Variants in EXOC6B observed in about 807,000 individuals in gnomAD.
EXOC6B encodes the protein exocyst complex component 6B, also known as SEC15 homolog B.
A neutral mutation model predicts 113.5 loss-of-function variants in EXOC6B; 54 were observed. The ratio of observed to expected loss-of-function variants is 0.48; its 90% CI spans 0.38 to 0.60. The LOEUF is 0.60. EXOC6B is among the 20% of genes least tolerant of loss of function. The pLI is 0.00. For synonymous variants in EXOC6B, 357 were observed against 339.0 expected (o/e 1.05, Z -0.58); for missense variants, 797 against 977.5 (o/e 0.82, Z 2.46).
chr2:72,782,959 T>C (rs894792931), intron 1 of EXOC6B, among the ~76,000 whole-genome samples: 1 of 152,234 alleles, frequency 6.6e-6, no homozygotes, highest in Admixed American at 6.5e-5. Context: ...AGCTTTGCTA[T>C]GTTTTTTGCC....
chr2:72,397,776 T>A (rs557149841), intron 18 of EXOC6B, among the ~76,000 whole-genome samples: 5 of 152,088 alleles, frequency 3.3e-5, no homozygotes, highest in Admixed American at 1.3e-4. Flanking sequence ...GATGTGCACA[T>A]CATTAGCATA....
chr2:72,194,630 A>C (rs921905549), intron 20 of EXOC6B, among the ~76,000 whole-genome samples: 1 of 149,492 alleles, frequency 6.7e-6, no homozygotes, highest in Admixed American at 6.6e-5. Flanking sequence ...TGTGTGCACA[A>C]CTCAGAGCAG....
chr2:72,504,861 C>A (rs1386288777), intron 11 of EXOC6B, among the ~76,000 whole-genome samples: 3 of 152,150 alleles, frequency 2.0e-5, no homozygotes, highest in Non-Finnish European at 2.9e-5. Flanking sequence ...ACTAAGAAGA[C>A]TGAACACCTT....
intron 19 of EXOC6B, among the ~76,000 whole-genome samples, chr2:72,347,884 G>C (rs1689425874): frequency 6.6e-6 from 1 of 152,060 alleles, no homozygotes; most frequent in Non-Finnish European, 1.5e-5. Flanking sequence ...GAATGACAAG[G>C]AAAGGGCACT....
chr2:72,480,126 C>T (rs1199332600), intron 17 of EXOC6B, among the ~76,000 whole-genome samples: 2 of 151,796 alleles, frequency 1.3e-5, no homozygotes, highest in Non-Finnish European at 2.9e-5. Context: ...ACTACTTGAA[C>T]CCAGGAGACA....
intron 6 of EXOC6B, among the ~76,000 whole-genome samples, chr2:72,715,113 A>AGGTTTGTC (rs1679522565): frequency 6.6e-6 from 1 of 151,968 alleles, no homozygotes; most frequent in East Asian, 1.9e-4. Context: ...AAAAATACAG[A>AGGTTTGTC]AAACTAGGGA....
chr2:72,195,719 C>A (rs1679127157), intron 20 of EXOC6B, among the ~76,000 whole-genome samples: 1 of 151,998 alleles, frequency 6.6e-6, no homozygotes, highest in Admixed American at 6.6e-5. Flanking sequence ...TGGCAGAGCT[C>A]AAAAATCTCC....
chr2:72,826,012 C>T lies in EXOC6B; in HGVS notation c.-102G>A, dbSNP rs1686891658. ...CCACAGGCTCCACAGCCGCCCCAGC[C>T]TCTGGCTACCCGCAGGCCGACCCCT... On this transcript the variant is annotated 5_prime_UTR_variant, in exon 1 of 22. Transcript: ENST00000272427. 1.3e-6 allele frequency: 2 copies of T among 1,499,812 alleles called. No homozygotes were observed. Among genetic ancestry groups the T allele is most frequent in the South Asian group, 1.3e-5 (1 of 78,304 alleles). The allele number at this position is 1,499,812 out of a possible 1,614,324, so 92.9% of individuals were successfully genotyped here.
chr2:72,743,727 G>T (rs1273500453), intron 1 of EXOC6B, among the ~76,000 whole-genome samples: 1 of 152,090 alleles, frequency 6.6e-6, no homozygotes, highest in Non-Finnish European at 1.5e-5. Flanking sequence ...CTATCTCTAA[G>T]GACTCTTTGA....
rs1393657320 is a variant in EXOC6B at position 72,401,647 on chromosome 2, A to G, written c.1981-21777T>C. Among the ~76,000 whole-genome samples, 258 of 39,622 alleles carry G rather than the reference A, an allele frequency of 6.5e-3. 39 individuals are homozygous for G. The highest frequency in any genetic ancestry group is 0.053 in the African/African-American group (241 of 4,516). 26.0% of individuals were successfully genotyped at this position (39,622 alleles called of 152,430 possible). A position where few individuals can be genotyped will look rare whatever the true frequency, so the allele number is the denominator to read the frequency against. ...CATATATATATATATACATATATACATATATATATATATATATATGTATAT... is the reference window on the plus strand; with the variant it reads ...CATATATATATATATACATATATACGTATATATATATATATATATGTATAT... On this transcript the variant is annotated intron_variant, in intron 18 of 21. Coordinates refer to ENST00000272427, the MANE Select transcript of EXOC6B (RefSeq NM_015189.3).
chr2:72,256,813 C>A (rs1683380968), intron 20 of EXOC6B, among the ~76,000 whole-genome samples: 1 of 152,138 alleles, frequency 6.6e-6, no homozygotes, highest in African/African-American at 2.4e-5. Flanking sequence ...TACTGAATCC[C>A]TGCTAGTGCT....
In EXOC6B at chr2:72,810,287, C is replaced by T. The variant is rs528930154; in HGVS notation, c.113+15511G>A. Reference sequence around the variant, plus strand: ...CCCAGCTACTCAAGCGGCTAAGACACGATGATTCTTTGAGCCCAGCCTGAG... The same window carrying T: ...CCCAGCTACTCAAGCGGCTAAGACATGATGATTCTTTGAGCCCAGCCTGAG... On this transcript the variant is annotated intron_variant, in intron 1 of 21. Transcript: ENST00000272427. 4.0e-5 allele frequency among the ~76,000 whole-genome samples: 6 copies of T among 151,426 alleles called. No homozygotes were observed. In the East Asian group the frequency reaches 5.8e-4, roughly 15 times the overall value.
chr2:72,234,220 G>A (rs1056944419), intron 20 of EXOC6B, among the ~76,000 whole-genome samples: 1 of 151,904 alleles, frequency 6.6e-6, no homozygotes, highest in South Asian at 2.1e-4. Flanking sequence ...TGAGTAGCTG[G>A]GATTACAGGC....
At position 72,514,954 on chromosome 2, in the gene EXOC6B, G is replaced by GACAC. The variant is rs57089571; in HGVS notation, c.999+85_999+88dup. 5,386 of 888,258 alleles carry GACAC rather than the reference G, an allele frequency of 6.1e-3. 131 individuals are homozygous for GACAC. The African/African-American group carries it at 0.075, about 12-fold the overall frequency. The allele number at this position is 888,258 out of a possible 1,614,324, so 55.0% of individuals were successfully genotyped here. A position where few individuals can be genotyped will look rare whatever the true frequency, so the allele number is the denominator to read the frequency against. ...GAATGACAGTAAACACACACACACA[G>GACAC]ACACACACACACACACACACACACA... is the stretch of plus-strand genomic sequence containing the variant. On this transcript the variant is annotated intron_variant, in intron 9 of 21. Transcript: ENST00000272427.
intron 6 of EXOC6B, among the ~76,000 whole-genome samples, chr2:72,693,844 CTT>C (rs557788710): frequency 6.8e-6 from 1 of 146,106 alleles, no homozygotes; most frequent in Non-Finnish European, 1.5e-5. Flanking sequence ...TTCCTTTTTT[CTT>C]TTTTTTTTTC....
intron 7 of EXOC6B, among the ~76,000 whole-genome samples, chr2:72,568,524 G>T (rs1280130298): frequency 6.6e-6 from 1 of 151,886 alleles, no homozygotes; most frequent in African/African-American, 2.4e-5. Context: ...GGAGAGAAAA[G>T]AAACATACAC....
intron 1 of EXOC6B, among the ~76,000 whole-genome samples, chr2:72,811,096 T>C (rs1015426634): frequency 2.0e-5 from 3 of 149,652 alleles, no homozygotes; most frequent in Admixed American, 2.0e-4. Flanking sequence ...ACTTTGGGAG[T>C]CCGAAGTGGG....
intron 20 of EXOC6B, among the ~76,000 whole-genome samples, chr2:72,300,541 C>T (rs1023029803): frequency 2.0e-5 from 3 of 152,154 alleles, no homozygotes; most frequent in East Asian, 1.9e-4. Context: ...GGTTCTGTCT[C>T]GCTAGCGTTC....
At chr2:72,727,231 T>C (rs1680355381) in intron 5 of EXOC6B, among the ~76,000 whole-genome samples, 1 of 152,112 alleles carries the variant, frequency 6.6e-6, no homozygotes, top group Non-Finnish European at 1.5e-5. Flanking sequence ...GTAGGATAAA[T>C]GGAAAATACA....
Sources: allele counts gnomAD v4.1 joint callset (sites outside exome capture counted in the v4.1 genomes callset), GRCh38; gene constraint gnomAD v4.1.1; transcripts MANE v1.5; gene names NCBI Gene and HGNC (gene_info 2026-07-23, HGNC 2026-07-21).